The following LRRIQ3 variants were observed in gnomAD, a reference collection of about 807,000 sequenced individuals.
The protein encoded by LRRIQ3 is leucine rich repeats and IQ motif containing 3, also known as leucine-rich repeat and IQ domain-containing protein 3.
In LRRIQ3, 75 loss-of-function variants were observed where a neutral mutation model predicts 59.3. That is an observed-to-expected ratio of 1.26 (90% CI 1.05 to 1.53). The LOEUF is 1.53. LRRIQ3 is among the 40% of genes most tolerant of loss of function. The pLI, the probability that LRRIQ3 is intolerant of heterozygous loss-of-function variation, is 0.00. For missense variants in LRRIQ3, 831 were observed against 710.0 expected, an observed-to-expected ratio of 1.17 and a Z score of -1.94; for synonymous variants, 250 against 231.3, an observed-to-expected ratio of 1.08 and a Z score of -0.73.
intron 1 of LRRIQ3, among the ~76,000 whole-genome samples, chr1:74,196,462 C>A (rs1315437713): frequency 6.6e-6 from 1 of 152,096 alleles, no homozygotes; most frequent in East Asian, 1.9e-4. Context: ...CTAGCCCAGA[C>A]CTCTCTCCTG....
In LRRIQ3 at chr1:74,171,525, A is replaced by G. The variant is rs1418461669; in HGVS notation, c.573+11013T>C. On this transcript the variant is annotated intron_variant, in intron 3 of 7. Transcript: ENST00000354431. The stretch of plus-strand genomic sequence containing the variant: ...TCAGCCACAGTGTGTGATCCTTTCA[A>G]TGTACTGTTGGATTCAGTTTCTTAA... Among the ~76,000 whole-genome samples, 3 of 152,264 alleles carry G rather than the reference A, an allele frequency of 2.0e-5. No individual in the cohort carries two copies. In the South Asian group the frequency reaches 6.2e-4, roughly 32 times the overall value.
intron 3 of LRRIQ3, among the ~76,000 whole-genome samples, chr1:74,178,489 T>C (rs1413206076): frequency 6.6e-6 from 1 of 152,194 alleles, no homozygotes; most frequent in Admixed American, 6.5e-5. Context: ...TTGGTAATTA[T>C]ACATATGATT....
intron 3 of LRRIQ3, among the ~76,000 whole-genome samples, chr1:74,164,385 G>A (rs1043571333): frequency 2.1e-4 from 32 of 151,494 alleles, no homozygotes; most frequent in Non-Finnish European, 1.3e-4. Context: ...CACTTTCACA[G>A]AGGAAACACC....
chr1:74,137,026 CA>C (rs1215000885), intron 4 of LRRIQ3, among the ~76,000 whole-genome samples: 1 of 151,756 alleles, frequency 6.6e-6, no homozygotes, highest in African/African-American at 2.4e-5. Flanking sequence ...CTATTTCTTG[CA>C]TTCATGATTG....
At chr1:74,194,924 C>A in intron 1 of LRRIQ3, among the ~76,000 whole-genome samples, 1 of 152,134 alleles carries the variant, frequency 6.6e-6, no homozygotes, top group Non-Finnish European at 1.5e-5. Context: ...CTCTCCCTAT[C>A]CCTTTCCCCT....
intron 5 of LRRIQ3, among the ~76,000 whole-genome samples, chr1:74,077,257 T>C (rs1284720118): frequency 6.6e-6 from 1 of 152,012 alleles, no homozygotes; most frequent in Non-Finnish European, 1.5e-5. Flanking sequence ...GAAACTTCTC[T>C]CTGTTTCTGC....
intron 4 of LRRIQ3, among the ~76,000 whole-genome samples, chr1:74,138,159 CAAACA>C (rs1647158612): frequency 1.9e-5 from 1 of 51,568 alleles, no homozygotes; most frequent in South Asian, 1.2e-3. Context: ...AAAAAACAAA[CAAACA>C]AAAAAAAAAA....
At position 74,064,635 on chromosome 1, in the gene LRRIQ3, G is replaced by T. The variant is rs543825206; in HGVS notation, c.997+10026C>A. Among the ~76,000 whole-genome samples the T allele has an allele frequency of 3.9e-5, 6 of 151,978 alleles. No individual in the cohort carries two copies. In the East Asian group the frequency reaches 1.2e-3, roughly 29 times the overall value. On this transcript the variant is annotated intron_variant, in intron 6 of 7. Coordinates refer to ENST00000354431, the MANE Select transcript of LRRIQ3 (RefSeq NM_001105659.2). ...TCTCAGCTTTCATATATCTGGGAAT[G>T]GTTTCATTTCACCTTCATTCATCTG...
chr1:74,190,348 CA>C (rs1293913606), intron 1 of LRRIQ3, among the ~76,000 whole-genome samples: 1 of 151,096 alleles, frequency 6.6e-6, no homozygotes, highest in Non-Finnish European at 1.5e-5. Flanking sequence ...TGGTAGAGAC[CA>C]AAAACATTAT....
At chr1:74,147,407 T>C (rs1335077847) in intron 4 of LRRIQ3, among the ~76,000 whole-genome samples, 1 of 152,198 alleles carries the variant, frequency 6.6e-6, no homozygotes, top group Non-Finnish European at 1.5e-5. Flanking sequence ...TTCTAACTCA[T>C]GATAAATAAA....
At chr1:74,133,894 A>G (rs1647073391) in intron 4 of LRRIQ3, among the ~76,000 whole-genome samples, 1 of 151,806 alleles carries the variant, frequency 6.6e-6, no homozygotes. Flanking sequence ...AATCCTACCA[A>G]AAAAAATCTC....
At chr1:74,068,461 A>C (rs1429028119) in intron 6 of LRRIQ3, among the ~76,000 whole-genome samples, 1 of 151,616 alleles carries the variant, frequency 6.6e-6, no homozygotes, top group Non-Finnish European at 1.5e-5. Context: ...TGATCACATA[A>C]TTTTTACATA....
At chr1:74,098,928 A>ACAAGACATTTATAGC in intron 5 of LRRIQ3, among the ~76,000 whole-genome samples, 1 of 152,190 alleles carries the variant, frequency 6.6e-6, no homozygotes, top group African/African-American at 2.4e-5. Context: ...AATTTATAGC[A>ACAAGACATTTATAGC]CCAAATGCCC....
chr1:74,164,704 G>T (rs1396708266), intron 3 of LRRIQ3, among the ~76,000 whole-genome samples: 1 of 151,440 alleles, frequency 6.6e-6, no homozygotes, highest in Non-Finnish European at 1.5e-5. Context: ...CTTTTACAAA[G>T]TATGCTTTTG....
intron 5 of LRRIQ3, among the ~76,000 whole-genome samples, chr1:74,105,341 T>TC (rs1646596294): frequency 6.6e-6 from 1 of 151,708 alleles, no homozygotes; most frequent in East Asian, 1.9e-4. Context: ...AACCTCCGCC[T>TC]CTGGGATTCA....
intron 1 of LRRIQ3, among the ~76,000 whole-genome samples, chr1:74,195,352 C>A (rs1651044298): frequency 6.6e-6 from 1 of 152,058 alleles, no homozygotes; most frequent in African/African-American, 2.4e-5. Flanking sequence ...AATCCAGGAC[C>A]CTATTCATTT....
rs144301063 is a variant in LRRIQ3 at position 74,092,118 on chromosome 1, A to G, written c.867+17276T>C. On this transcript the variant is annotated intron_variant, in intron 5 of 7. Transcript: ENST00000354431. ...ATTTTCTATCTCTTCCTCTTTCTTGATGGCTGGAGTGTGCATGTGATGGGT... is the reference window on the plus strand; with the variant it reads ...ATTTTCTATCTCTTCCTCTTTCTTGGTGGCTGGAGTGTGCATGTGATGGGT... 3.3e-4 allele frequency among the ~76,000 whole-genome samples: 50 copies of G among 152,102 alleles called. No individual in the cohort carries two copies. In the East Asian group the frequency reaches 8.5e-3, roughly 26 times the overall value.
At position 74,198,148 on chromosome 1, in the gene LRRIQ3, G is replaced by C; in HGVS notation, c.-153C>G. On this transcript the variant is annotated 5_prime_UTR_variant, in exon 1 of 8. Coordinates refer to ENST00000354431, the MANE Select transcript of LRRIQ3 (RefSeq NM_001105659.2). ...TTCTCCACATCATGGTTTTCCGGGC[G>C]CCAGCCAAGGCGCTCCGGGGGCGTG... The C allele has an allele frequency of 6.7e-7, 1 of 1,491,230 alleles. No homozygotes were observed. The highest frequency in any genetic ancestry group is 8.9e-7 in the Non-Finnish European group (1 of 1,123,376). 92.4% of individuals were successfully genotyped at this position (1,491,230 alleles called of 1,614,324 possible). A position where few individuals can be genotyped will look rare whatever the true frequency, so the allele number is the denominator to read the frequency against.
At position 74,179,298 on chromosome 1, in the gene LRRIQ3, A is replaced by G. The variant is rs148147193; in HGVS notation, c.573+3240T>C. Among the ~76,000 whole-genome samples the G allele has an allele frequency of 8.4e-3, 1,281 of 152,168 alleles. 8 individuals are homozygous for G. The highest frequency in any genetic ancestry group is 0.012 in the Non-Finnish European group (841 of 67,924). ...TCGTTTTTTTCTGACTCAAAAAATAAAGGTTAGAAATCATTTTATGTCACA... is the reference window on the plus strand; with the variant it reads ...TCGTTTTTTTCTGACTCAAAAAATAGAGGTTAGAAATCATTTTATGTCACA... On this transcript the variant is annotated intron_variant, in intron 3 of 7. Transcript: ENST00000354431.
Sources: allele counts gnomAD v4.1 joint callset (sites outside exome capture counted in the v4.1 genomes callset), GRCh38; gene constraint gnomAD v4.1.1; transcripts MANE v1.5; gene names NCBI Gene and HGNC (gene_info 2026-07-23, HGNC 2026-07-21).